The following ZNF644 variants were observed in gnomAD, a reference collection of about 807,000 sequenced individuals.
ZNF644 encodes the protein zinc finger motif enhancer binding protein 2.
In ZNF644, 20 loss-of-function variants were observed where a neutral mutation model predicts 108.0. The observed-to-expected ratio is 0.19, with a 90% CI of 0.13 to 0.27. ZNF644 has a LOEUF of 0.27. Ranked by LOEUF, ZNF644 falls within the 10% of genes least tolerant of loss-of-function variation. The pLI is 1.00. For missense variants in ZNF644, 1,338 were observed against 1,548.9 expected (o/e 0.86, Z 2.29); for synonymous variants, 542 against 539.1 (o/e 1.01, Z -0.08).
intron 2 of ZNF644, among the ~76,000 whole-genome samples, chr1:90,965,617 A>G (rs910992896): frequency 1.3e-5 from 2 of 152,184 alleles, no homozygotes; most frequent in African/African-American, 2.4e-5. Context: ...ATAGTTCCTA[A>G]AAGTTGTAAA....
chr1:90,989,719 G>T (rs948358664), intron 1 of ZNF644, among the ~76,000 whole-genome samples: 2 of 152,120 alleles, frequency 1.3e-5, no homozygotes, highest in African/African-American at 4.8e-5. Context: ...CACTGTTGGG[G>T]AAAATATAAA....
At chr1:90,927,950 T>G (rs993393439) in intron 4 of ZNF644, among the ~76,000 whole-genome samples, 4 of 151,506 alleles carry the variant, frequency 2.6e-5, no homozygotes, top group African/African-American at 9.7e-5. Flanking sequence ...TTTAAGCGAT[T>G]CTCCTGCCTC....
chr1:90,945,928 C>T (rs967879951), intron 2 of ZNF644, among the ~76,000 whole-genome samples: 1 of 151,892 alleles, frequency 6.6e-6, no homozygotes, highest in Non-Finnish European at 1.5e-5. Flanking sequence ...TCATTAATTG[C>T]TATATTACAC....
At chr1:90,984,021 G>C (rs747485015) in intron 1 of ZNF644, among the ~76,000 whole-genome samples, 10 of 152,286 alleles carry the variant, frequency 6.6e-5, no homozygotes, top group Non-Finnish European at 1.2e-4. Flanking sequence ...AGGAATGCCA[G>C]CACCCACCAG....
intron 1 of ZNF644, among the ~76,000 whole-genome samples, chr1:90,999,042 G>A (rs368064507): frequency 6.6e-6 from 1 of 152,222 alleles, no homozygotes. Flanking sequence ...ATGGGACTAT[G>A]TGAAAAGACC....
chr1:91,021,740 CG>C, intron 1 of ZNF644: 2 of 294,366 alleles, frequency 6.8e-6, no homozygotes, highest in Non-Finnish European at 1.3e-5. Context: ...TCCCCGAACC[CG>C]GGGCCCGGGC....
At chr1:91,002,525 A>C (rs1408213005) in intron 1 of ZNF644, among the ~76,000 whole-genome samples, 1 of 152,230 alleles carries the variant, frequency 6.6e-6, no homozygotes. Flanking sequence ...TATGAAAATT[A>C]ATTCAAGATG....
At chr1:90,972,976 T>C (rs774631756) in intron 2 of ZNF644, 4 of 152,184 alleles carry the variant, frequency 2.6e-5, no homozygotes, top group Non-Finnish European at 5.9e-5. Context: ...TGTTGTTTAA[T>C]GGGTACAGAG....
chr1:90,973,832 A>G (rs1655740104), intron 2 of ZNF644, among the ~76,000 whole-genome samples: 1 of 152,182 alleles, frequency 6.6e-6, no homozygotes, highest in South Asian at 2.1e-4. Flanking sequence ...AATCATAAAT[A>G]TCAAGAGAAA....
intron 2 of ZNF644, among the ~76,000 whole-genome samples, chr1:90,946,513 A>G (rs1447474140): frequency 6.6e-6 from 1 of 152,170 alleles, no homozygotes; most frequent in East Asian, 1.9e-4. Context: ...AACATTTAAC[A>G]TTATTTGAAA....
intron 2 of ZNF644, among the ~76,000 whole-genome samples, chr1:90,960,069 T>A (rs186507942): frequency 4.0e-4 from 61 of 152,268 alleles, no homozygotes; most frequent in African/African-American, 1.4e-3. Context: ...TGTCATGATA[T>A]TGCAGTACTT....
intron 1 of ZNF644, among the ~76,000 whole-genome samples, chr1:91,008,882 C>T (rs186555770): frequency 6.6e-6 from 1 of 152,208 alleles, no homozygotes; most frequent in African/African-American, 2.4e-5. Context: ...AAATTGACAG[C>T]AGGAATAACA....
At chr1:90,918,358 G>A (rs1293521941) in intron 4 of ZNF644, 6 of 574,454 alleles carry the variant, frequency 1.0e-5, no homozygotes, top group Non-Finnish European at 1.9e-5. Context: ...GGTATTATCT[G>A]TACTGAAGAA....
intron 1 of ZNF644, among the ~76,000 whole-genome samples, chr1:90,995,626 A>G (rs976529655): frequency 5.9e-5 from 9 of 152,224 alleles, no homozygotes; most frequent in African/African-American, 1.9e-4. Flanking sequence ...AGAAACCTTG[A>G]CAGCAGCCAA....
At chr1:90,960,021 A>G (rs571083885) in intron 2 of ZNF644, among the ~76,000 whole-genome samples, 10 of 152,302 alleles carry the variant, frequency 6.6e-5, no homozygotes, top group African/African-American at 2.4e-4. Flanking sequence ...TTCTCCACCC[A>G]TTAGTCACTT....
intron 2 of ZNF644, among the ~76,000 whole-genome samples, chr1:90,960,173 C>T (rs1201511154): frequency 1.3e-5 from 2 of 151,868 alleles, no homozygotes; most frequent in Non-Finnish European, 1.5e-5. Context: ...AGCTGTAAGC[C>T]GTTTCCTTTA....
intron 2 of ZNF644, among the ~76,000 whole-genome samples, chr1:90,977,331 G>A (rs910674563): frequency 2.6e-5 from 4 of 151,924 alleles, no homozygotes; most frequent in African/African-American, 9.7e-5. Context: ...TAAAAAAATA[G>A]TATGAAGGGA....
At chr1:90,991,902 T>G (rs1284138048) in intron 1 of ZNF644, among the ~76,000 whole-genome samples, 2 of 152,162 alleles carry the variant, frequency 1.3e-5, no homozygotes, top group Non-Finnish European at 2.9e-5. Flanking sequence ...TTTGTAATAT[T>G]GAAACACTAG....
chr1:90,921,387 G>GTTTGT (rs1649419174), intron 4 of ZNF644, among the ~76,000 whole-genome samples: 2 of 151,902 alleles, frequency 1.3e-5, no homozygotes, highest in African/African-American at 4.8e-5. Context: ...GATTTTATTT[G>GTTTGT]CACTTGTTAG....
Sources: allele counts gnomAD v4.1 joint callset (sites outside exome capture counted in the v4.1 genomes callset), GRCh38; gene constraint gnomAD v4.1.1; transcripts MANE v1.5; gene names NCBI Gene and HGNC (gene_info 2026-07-23, HGNC 2026-07-21).